PCDHA8: variants seen among roughly 807,000 people sequenced by gnomAD.
PCDHA8 encodes protocadherin alpha 8, also known as protocadherin alpha-8.
A neutral mutation model predicts 61.8 loss-of-function variants in PCDHA8; 53 were observed. That is an observed-to-expected ratio of 0.86 (90% CI 0.69 to 1.08). The LOEUF is 1.08. Among genes scored for constraint, PCDHA8 ranks in the 50% least tolerant of loss-of-function variants. PCDHA8 has a pLI of 0.00. For synonymous variants in PCDHA8, 618 were observed against 556.6 expected (o/e 1.11, Z -1.55); for missense variants, 1,293 against 1,245.0 (o/e 1.04, Z -0.58).
At chr5:140,947,769 A>T (rs2094173274) in intron 1 of PCDHA8, among the ~76,000 whole-genome samples, 1 of 151,626 alleles carries the variant, frequency 6.6e-6, no homozygotes, top group Non-Finnish European at 1.5e-5. Context: ...AAAAAATTCT[A>T]TTGTAAATGG....
rs551502223 is a variant in PCDHA8 at position 140,976,924 on chromosome 5, T to G, written c.2395-2025T>G. ...TGTAATAAAGTGCAAAATCTAGTAC[T>G]GTGTAGCTACTTAAAACATATTATA... is the stretch of plus-strand genomic sequence containing the variant. On this transcript the variant is annotated intron_variant, in intron 1 of 3. Coordinates refer to ENST00000531613, the MANE Select transcript of PCDHA8 (RefSeq NM_018911.3). 1.6e-4 allele frequency among the ~76,000 whole-genome samples: 25 copies of G among 152,364 alleles called. No homozygotes were observed. In the South Asian group the frequency reaches 5.2e-3, roughly 32 times the overall value.
At chr5:140,884,321 G>A in intron 1 of PCDHA8, 1 of 1,613,854 alleles carries the variant, frequency 6.2e-7, no homozygotes, top group Non-Finnish European at 8.5e-7. Context: ...GGCGTCGGCA[G>A]GCGCTGTGGG....
At chr5:140,876,480 C>T (rs368324550) in intron 1 of PCDHA8, 10 of 1,613,874 alleles carry the variant, frequency 6.2e-6, no homozygotes, top group Non-Finnish European at 8.5e-6. Context: ...ACAGCATGGT[C>T]CTGGTGGAAG....
Position 140,858,496 on chromosome 5 carries a change from C to T in PCDHA8, c.2394+14781C>T, listed in dbSNP as rs1554151697. 7 of 1,479,962 alleles carry T rather than the reference C, an allele frequency of 4.7e-6. 1 individual carries two copies. 91.7% of individuals were successfully genotyped at this position (1,479,962 alleles called of 1,614,324 possible). ...TTATGAATAATATTTTCTCTTACCG[C>T]ATTTTCTCAAATATGTATCAGAATA... is the stretch of plus-strand genomic sequence containing the variant. On this transcript the variant is annotated intron_variant, in intron 1 of 3. Transcript: ENST00000531613.
At chr5:140,845,370 T>G (rs1032525596) in intron 1 of PCDHA8, among the ~76,000 whole-genome samples, 1 of 149,690 alleles carries the variant, frequency 6.7e-6, no homozygotes, top group African/African-American at 2.4e-5. Flanking sequence ...CAAAATATCA[T>G]AAATAGGAGG....
intron 1 of PCDHA8, chr5:140,966,228 A>G: frequency 3.6e-6 from 1 of 275,386 alleles, no homozygotes; most frequent in Admixed American, 5.3e-5. Context: ...AATCTCCTTA[A>G]AGACCCGTTA....
chr5:140,910,766 T>C (rs2075154722), intron 1 of PCDHA8, among the ~76,000 whole-genome samples: 2 of 152,198 alleles, frequency 1.3e-5, no homozygotes, highest in South Asian at 2.1e-4. Context: ...CTTTTTAAAC[T>C]CCCCAAGCTG....
At chr5:140,974,109 T>A (rs192229356) in intron 1 of PCDHA8, among the ~76,000 whole-genome samples, 366 of 152,368 alleles carry the variant, frequency 2.4e-3, no homozygotes, top group Non-Finnish European at 3.7e-3. Context: ...AAAAGTATTC[T>A]TTTGCAGTGT....
chr5:140,992,393 A>G (rs2097508684), intron 3 of PCDHA8, among the ~76,000 whole-genome samples: 1 of 152,180 alleles, frequency 6.6e-6, no homozygotes, highest in African/African-American at 2.4e-5. Context: ...TTCTGGACTT[A>G]GAGATATTGT....
At chr5:140,900,807 A>G (rs868976984) in intron 1 of PCDHA8, among the ~76,000 whole-genome samples, 1 of 152,176 alleles carries the variant, frequency 6.6e-6, no homozygotes, top group South Asian at 2.1e-4. Flanking sequence ...TAGTGCTTGT[A>G]CTAATTTACA....
intron 1 of PCDHA8, chr5:140,883,143 C>A (rs782699546): frequency 1.2e-6 from 2 of 1,614,042 alleles, no homozygotes; most frequent in South Asian, 1.1e-5. Context: ...GTGGTATATG[C>A]ATTTACCATA....
At chr5:140,858,018 C>T in intron 1 of PCDHA8, 1 of 1,596,908 alleles carries the variant, frequency 6.3e-7, no homozygotes, top group Non-Finnish European at 8.6e-7. Context: ...GGCGAGCCGT[C>T]GCTGACGGCC....
At chr5:140,960,853 T>C (rs1554225072) in intron 1 of PCDHA8, among the ~76,000 whole-genome samples, 2 of 152,214 alleles carry the variant, frequency 1.3e-5, no homozygotes, top group Non-Finnish European at 1.5e-5. Flanking sequence ...ATGGCAACTA[T>C]AAGCCAGAAA....
intron 1 of PCDHA8, among the ~76,000 whole-genome samples, chr5:140,911,064 T>C (rs2153516956): frequency 6.6e-6 from 1 of 152,226 alleles, no homozygotes; most frequent in African/African-American, 2.4e-5. Flanking sequence ...GGGTGGGTCC[T>C]GAGGAGAATC....
chr5:140,884,319 C>T lies in PCDHA8; in HGVS notation c.2394+40604C>T. ...CCACAGGCTTCGTCGAGGGCGTCGG[C>T]AGGCGCTGTGGGTCCAGAAGCGGCG... On this transcript the variant is annotated intron_variant, in intron 1 of 3. Transcript: ENST00000531613. 6.2e-7 allele frequency: 1 copy of T among 1,613,800 alleles called. No homozygotes were observed. The highest frequency in any genetic ancestry group is 8.5e-7 in the Non-Finnish European group (1 of 1,179,860).
chr5:140,882,375 C>T (rs879994353), intron 1 of PCDHA8: 1 of 1,614,212 alleles, frequency 6.2e-7, no homozygotes, highest in Non-Finnish European at 8.5e-7. Context: ...TACTCCGTCC[C>T]CGAGGAAGCA....
chr5:140,884,734 C>A (rs1198575388), intron 1 of PCDHA8: 5 of 1,445,332 alleles, frequency 3.5e-6, no homozygotes, highest in Non-Finnish European at 4.6e-6. Flanking sequence ...TTTAAGACAT[C>A]TTTCCTGCCA....
chr5:140,969,249 A>G (rs1586364972), intron 1 of PCDHA8: 1 of 1,614,240 alleles, frequency 6.2e-7, no homozygotes, highest in Admixed American at 1.7e-5. Flanking sequence ...GCAGTGACTG[A>G]CAGCAGGAAT....
At chr5:140,927,195 C>T in intron 1 of PCDHA8, 1 of 1,614,118 alleles carries the variant, frequency 6.2e-7, no homozygotes, top group Non-Finnish European at 8.5e-7. Flanking sequence ...ACCTGGTGCT[C>T]GAGGACCCGC....
Sources: allele counts gnomAD v4.1 joint callset (sites outside exome capture counted in the v4.1 genomes callset), GRCh38; gene constraint gnomAD v4.1.1; transcripts MANE v1.5; gene names NCBI Gene and HGNC (gene_info 2026-07-23, HGNC 2026-07-21).